Variants in PLCB4 observed in about 807,000 individuals in gnomAD.
PLCB4 encodes the protein 1-phosphatidylinositol 4,5-bisphosphate phosphodiesterase beta-4.
A neutral mutation model predicts 178.8 loss-of-function variants in PLCB4; 77 were observed. That is an observed-to-expected ratio of 0.43 (90% CI 0.36 to 0.52). The LOEUF is 0.52. Among genes scored for constraint, PLCB4 ranks in the 20% least tolerant of loss-of-function variants. The pLI is 0.00. For synonymous variants in PLCB4, 496 were observed against 490.8 expected, an observed-to-expected ratio of 1.01 and a Z score of -0.14; for missense variants, 1,024 against 1,453.4, an observed-to-expected ratio of 0.70 and a Z score of 4.80.
chr20:9,290,844 A>T (rs1223256890), intron 3 of PLCB4, among the ~76,000 whole-genome samples: 1 of 152,200 alleles, frequency 6.6e-6, no homozygotes, highest in Non-Finnish European at 1.5e-5. Context: ...ATGTTTATTA[A>T]TGTAAACTAA....
intron 2 of PLCB4, among the ~76,000 whole-genome samples, chr20:9,162,935 G>A (rs1030994351): frequency 1.5e-4 from 23 of 152,222 alleles, no homozygotes; most frequent in African/African-American, 4.6e-4. Context: ...CCACTGGTGG[G>A]GTGGAGGTGA....
intron 3 of PLCB4, among the ~76,000 whole-genome samples, chr20:9,288,406 C>CTTTT (rs5840316): frequency 7.1e-6 from 1 of 140,764 alleles, no homozygotes; most frequent in Non-Finnish European, 1.6e-5. Context: ...CCTGTAGTTG[C>CTTTT]TTTTTTTTTT....
chr20:9,151,037 A>T (rs1363789503), intron 2 of PLCB4, among the ~76,000 whole-genome samples: 1 of 152,142 alleles, frequency 6.6e-6, no homozygotes. Context: ...AACAATCTAA[A>T]CAAATACAGT....
chr20:9,246,135 T>C (rs1421541726), intron 3 of PLCB4, among the ~76,000 whole-genome samples: 1 of 152,176 alleles, frequency 6.6e-6, no homozygotes, highest in Non-Finnish European at 1.5e-5. Flanking sequence ...TACAGTACTG[T>C]TAAACACTAT....
At chr20:9,247,945 GC>G (rs1246402129) in intron 3 of PLCB4, among the ~76,000 whole-genome samples, 7 of 151,694 alleles carry the variant, frequency 4.6e-5, no homozygotes, top group Non-Finnish European at 1.0e-4. Flanking sequence ...AATTTAAATA[GC>G]CTGTAATACC....
chr20:9,087,099 G>A (rs1271005740), intron 1 of PLCB4, among the ~76,000 whole-genome samples: 1 of 152,022 alleles, frequency 6.6e-6, no homozygotes, highest in African/African-American at 2.4e-5. Context: ...GCATATAGTT[G>A]ATTCTTGCTT....
intron 3 of PLCB4, among the ~76,000 whole-genome samples, chr20:9,230,829 A>C (rs530959068): frequency 1.3e-5 from 2 of 152,254 alleles, no homozygotes; most frequent in African/African-American, 4.8e-5. Context: ...GAGCAAAACC[A>C]TGCCATAATT....
chr20:9,416,507 A>C (rs1054963568), intron 25 of PLCB4, among the ~76,000 whole-genome samples: 1 of 152,116 alleles, frequency 6.6e-6, no homozygotes, highest in Non-Finnish European at 1.5e-5. Flanking sequence ...CTCCCCTCAC[A>C]GTCTGTGTCG....
chr20:9,069,292 C>G (rs1443944307), intron 1 of PLCB4, 86 bp downstream of exon 1: 1 of 152,330 alleles, frequency 6.6e-6, no homozygotes, highest in Non-Finnish European at 1.5e-5. Flanking sequence ...CGGGTGCGTC[C>G]CGGACGCGCG....
At chr20:9,240,326 A>T (rs899490577) in intron 3 of PLCB4, among the ~76,000 whole-genome samples, 40 of 152,162 alleles carry the variant, frequency 2.6e-4, no homozygotes, top group Non-Finnish European at 8.8e-5. Flanking sequence ...AGAGAGGATT[A>T]GAGAGTGACC....
At chr20:9,456,677 G>A (rs1379915850) in intron 33 of PLCB4, among the ~76,000 whole-genome samples, 1 of 152,186 alleles carries the variant, frequency 6.6e-6, no homozygotes. Flanking sequence ...AACTTGCTCA[G>A]TGCCAGCCAT....
chr20:9,288,861 G>A (rs1365869398), intron 3 of PLCB4, among the ~76,000 whole-genome samples: 1 of 152,058 alleles, frequency 6.6e-6, no homozygotes, highest in Non-Finnish European at 1.5e-5. Context: ...CATATTTTAA[G>A]ACATTTACAG....
intron 28 of PLCB4, among the ~76,000 whole-genome samples, chr20:9,424,530 G>A (rs550079203): frequency 4.6e-5 from 7 of 152,216 alleles, no homozygotes; most frequent in African/African-American, 1.7e-4. Context: ...TTAAAAGAAA[G>A]CAAAGATCCT....
At chr20:9,433,944 A>G (rs1055599571) in intron 28 of PLCB4, among the ~76,000 whole-genome samples, 4 of 152,208 alleles carry the variant, frequency 2.6e-5, no homozygotes, top group African/African-American at 7.2e-5. Flanking sequence ...CATAGGACAA[A>G]TACTCTTACC....
At chr20:9,266,423 A>C (rs1409180256) in intron 3 of PLCB4, among the ~76,000 whole-genome samples, 1 of 152,220 alleles carries the variant, frequency 6.6e-6, no homozygotes, top group East Asian at 1.9e-4. Context: ...CCTATCAGTA[A>C]ACATTACTGT....
At chr20:9,424,270 A>G (rs1316060976) in intron 28 of PLCB4, among the ~76,000 whole-genome samples, 1 of 152,216 alleles carries the variant, frequency 6.6e-6, no homozygotes, top group African/African-American at 2.4e-5. Flanking sequence ...AGGGAAAAAA[A>G]CATAAATAAG....
rs149793838 is a variant in PLCB4, at chr20:9,441,980, A to G, written c.2765-2001A>G. 4.2e-4 allele frequency among the ~76,000 whole-genome samples: 64 copies of G among 152,222 alleles called. 1 individual carries two copies. The highest frequency in any genetic ancestry group is 2.4e-4 in the Non-Finnish European group (16 of 68,018). On this transcript the variant is annotated intron_variant, in intron 30 of 39. Coordinates refer to ENST00000378473, the MANE Select transcript of PLCB4 (RefSeq NM_001377142.1). ...CCAGCTCCTAACTTCCAGATTAGCA[A>G]TTAAGAGAAAACAAGTTATTGTTAA...
At chr20:9,302,023 C>A (rs2094711157) in intron 3 of PLCB4, among the ~76,000 whole-genome samples, 1 of 152,086 alleles carries the variant, frequency 6.6e-6, no homozygotes, top group Admixed American at 6.6e-5. Flanking sequence ...GAAGGTGGAT[C>A]CTTTCCTGTG....
intron 2 of PLCB4, among the ~76,000 whole-genome samples, chr20:9,127,983 G>A (rs1157927496): frequency 7.2e-5 from 11 of 151,946 alleles, no homozygotes; most frequent in Non-Finnish European, 4.4e-5. Flanking sequence ...CACCACGCCC[G>A]GCCCATATTT....
Sources: gnomAD v4.1 joint callset for allele counts (sites outside exome capture counted in the v4.1 genomes callset) on GRCh38, gnomAD v4.1.1 for gene constraint, MANE v1.5 for transcripts, NCBI Gene and HGNC (gene_info 2026-07-23, HGNC 2026-07-21) for gene names.